CHRM2: variants seen among roughly 807,000 people sequenced by gnomAD.
The protein encoded by CHRM2 is cholinergic receptor muscarinic 2.
Under a neutral mutation model 25.0 loss-of-function variants are expected in CHRM2, and 8 were observed. The ratio of observed to expected loss-of-function variants is 0.32; its 90% CI spans 0.19 to 0.58. CHRM2 has a LOEUF of 0.58. Ranked by LOEUF, CHRM2 falls within the 20% of genes least tolerant of loss-of-function variation. The probability of loss-of-function intolerance (pLI) is 0.88; values close to 1 mark genes in which losing one functional copy is unlikely to be tolerated. For synonymous variants in CHRM2, 202 were observed against 205.7 expected (o/e 0.98, Z 0.15); for missense variants, 440 against 567.1 (o/e 0.78, Z 2.28).
intron 2 of CHRM2, among the ~76,000 whole-genome samples, chr7:136,912,147 T>C (rs1797877270): frequency 1.3e-5 from 2 of 151,934 alleles, no homozygotes; most frequent in African/African-American, 4.8e-5. Flanking sequence ...ATAAAGATAA[T>C]TGAAAGTTTC....
rs75612298 is a variant in CHRM2, at chr7:136,900,687, T to C, written c.-125+31269T>C. On this transcript the variant is annotated intron_variant, in intron 2 of 3. Coordinates refer to ENST00000680005, the MANE Select transcript of CHRM2 (RefSeq NM_001006630.2). ...CACAGAATTGCTCGTCTCATAATTA[T>C]CTTGCCAACTGCTAAACAATCTTTT... Among the ~76,000 whole-genome samples, 99 of 152,200 alleles carry C rather than the reference T, an allele frequency of 6.5e-4. 2 individuals carry two copies. The East Asian group carries it at 0.019, about 29-fold the overall frequency.
chr7:136,961,300 T>C (rs572514105), intron 2 of CHRM2, among the ~76,000 whole-genome samples: 13 of 152,278 alleles, frequency 8.5e-5, no homozygotes. Context: ...AAGCTAATAA[T>C]GTAAGTGTTC....
chr7:137,008,150 AT>A (rs1343817482), intron 3 of CHRM2, among the ~76,000 whole-genome samples: 1 of 152,130 alleles, frequency 6.6e-6, no homozygotes, highest in Non-Finnish European at 1.5e-5. Context: ...GAAATTAAAA[AT>A]GAATAAGCTT....
chr7:136,938,295 G>C, intron 2 of CHRM2: 1 of 1,109,594 alleles, frequency 9.0e-7, no homozygotes, highest in South Asian at 1.2e-5. Flanking sequence ...GCCTAAGGTT[G>C]TTGATGTAGC....
chr7:137,009,634 T>TCTGCCAAAA (rs1804674580), intron 3 of CHRM2, among the ~76,000 whole-genome samples: 1 of 152,066 alleles, frequency 6.6e-6, no homozygotes. Flanking sequence ...ACACTGTTCC[T>TCTGCCAAAA]CTGCCAAAAA....
intron 2 of CHRM2, among the ~76,000 whole-genome samples, chr7:136,887,336 C>CA (rs5887813): frequency 0.77 from 115,833 of 150,194 alleles, 45,653 homozygotes; most frequent in East Asian, 0.96. Flanking sequence ...TCGCTTTTCA[C>CA]AAAAAAAAAA....
chr7:136,990,507 AATATGC>A (rs1470046290), intron 2 of CHRM2, among the ~76,000 whole-genome samples: 1 of 152,110 alleles, frequency 6.6e-6, no homozygotes, highest in Non-Finnish European at 1.5e-5. Context: ...CTCACGTAAC[AATATGC>A]ATTTAATGTT....
intron 2 of CHRM2, among the ~76,000 whole-genome samples, chr7:136,985,435 G>A (rs984628709): frequency 6.7e-5 from 10 of 149,820 alleles, no homozygotes; most frequent in African/African-American, 1.2e-4. Flanking sequence ...GCTTGAACCC[G>A]GCAGGCGAAG....
In CHRM2 at chr7:136,884,282, C is replaced by T. The variant is rs903401282; in HGVS notation, c.-125+14864C>T. Among the ~76,000 whole-genome samples, 8 of 152,034 alleles carry T rather than the reference C, an allele frequency of 5.3e-5. No individual in the cohort carries two copies. In the East Asian group the frequency reaches 5.8e-4, roughly 11 times the overall value. The stretch of plus-strand genomic sequence containing the variant: ...TAAGGTCATTAGGAAACTGTTGTCA[C>T]GTTGAGTGCCAAATTTGCAAAAATT... On this transcript the variant is annotated intron_variant, in intron 2 of 3. Transcript: ENST00000680005.
intron 2 of CHRM2, among the ~76,000 whole-genome samples, chr7:136,935,637 A>G (rs1437733151): frequency 1.3e-5 from 2 of 152,072 alleles, no homozygotes; most frequent in East Asian, 3.9e-4. Flanking sequence ...ATTCTCTCTT[A>G]TTTTTATTGA....
chr7:136,963,878 G>A (rs1801248960), intron 2 of CHRM2, among the ~76,000 whole-genome samples: 1 of 152,184 alleles, frequency 6.6e-6, no homozygotes, highest in African/African-American at 2.4e-5. Context: ...GTTTCTCAAA[G>A]GTTTCCAGGT....
intron 2 of CHRM2, among the ~76,000 whole-genome samples, chr7:136,891,163 C>T (rs777140538): frequency 2.0e-5 from 3 of 152,176 alleles, no homozygotes; most frequent in Non-Finnish European, 4.4e-5. Context: ...ATATTTGACA[C>T]AACAAACCAA....
At chr7:136,917,161 T>C (rs1584751823) in intron 2 of CHRM2, among the ~76,000 whole-genome samples, 1 of 73,172 alleles carries the variant, frequency 1.4e-5, no homozygotes. Context: ...GCTTTCTCAC[T>C]TTTTTTTTTT....
At position 137,018,593 on chromosome 7, in the gene CHRM2, G is replaced by A. The variant is rs769582499; in HGVS notation, c.*2327G>A. On this transcript the variant is annotated 3_prime_UTR_variant, in exon 4 of 4. Transcript: ENST00000680005. ...TTGGGAAGAACCCTTTGGCATCCAG[G>A]ATTCAGGATTCAGGGTCTTTTTTTG... The A allele has an allele frequency of 1.3e-5, 2 of 151,794 alleles. No individual in the cohort carries two copies. Among genetic ancestry groups the A allele is most frequent in the Non-Finnish European group, 2.9e-5 (2 of 67,890 alleles). 9.4% of individuals were successfully genotyped at this position (151,794 alleles called of 1,614,324 possible). A position where few individuals can be genotyped will look rare whatever the true frequency, so the allele number is the denominator to read the frequency against.
At chr7:136,890,144 T>C (rs1796636063) in intron 2 of CHRM2, among the ~76,000 whole-genome samples, 1 of 152,224 alleles carries the variant, frequency 6.6e-6, no homozygotes, top group Admixed American at 6.5e-5. Context: ...AGACAATACA[T>C]TTCTAATCTT....
intron 3 of CHRM2, among the ~76,000 whole-genome samples, chr7:137,010,818 A>C (rs1337118221): frequency 6.6e-6 from 1 of 152,014 alleles, no homozygotes; most frequent in Non-Finnish European, 1.5e-5. Flanking sequence ...AAATGTCTTA[A>C]ACTAGCAACC....
At chr7:136,977,562 C>T (rs553152674) in intron 2 of CHRM2, among the ~76,000 whole-genome samples, 2 of 152,296 alleles carry the variant, frequency 1.3e-5, no homozygotes, top group East Asian at 3.9e-4. Context: ...ACACTCAACG[C>T]AGTCTTGAGG....
intron 3 of CHRM2, among the ~76,000 whole-genome samples, chr7:137,006,243 A>G (rs966839950): frequency 1.3e-5 from 2 of 152,126 alleles, no homozygotes; most frequent in Admixed American, 1.3e-4. Context: ...TCTATTCAGA[A>G]TTGTCCAGGC....
intron 2 of CHRM2, among the ~76,000 whole-genome samples, chr7:136,889,458 A>G (rs992876344): frequency 3.3e-5 from 5 of 152,198 alleles, no homozygotes; most frequent in Admixed American, 6.5e-5. Context: ...ATGAGGAACA[A>G]AAGTATTTAA....
Sources: allele counts gnomAD v4.1 joint callset (sites outside exome capture counted in the v4.1 genomes callset), GRCh38; gene constraint gnomAD v4.1.1; transcripts MANE v1.5; gene names NCBI Gene and HGNC (gene_info 2026-07-23, HGNC 2026-07-21).